Variants in ADGRL3 observed in about 807,000 individuals in gnomAD.
ADGRL3 encodes the protein calcium-independent alpha-latrotoxin receptor 3.
ADGRL3 carries 62 observed loss-of-function variants against 153.5 expected under a neutral mutation model. The observed-to-expected ratio is 0.40, with a 90% CI of 0.33 to 0.50. The LOEUF (loss-of-function observed/expected upper bound fraction) is 0.50, where lower values mean the gene tolerates loss of function less well. ADGRL3 is among the 20% of genes least tolerant of loss of function. The pLI, the probability that ADGRL3 is intolerant of heterozygous loss-of-function variation, is 0.47. For synonymous variants in ADGRL3, 710 were observed against 672.5 expected (o/e 1.06, Z -0.86); for missense variants, 1,641 against 1,859.4 (o/e 0.88, Z 2.16).
chr4:61,679,954 C>T (rs554327003), intron 6 of ADGRL3, among the ~76,000 whole-genome samples: 1 of 151,922 alleles, frequency 6.6e-6, no homozygotes, highest in African/African-American at 2.4e-5. Context: ...AGTCCTTTAC[C>T]TGTTTATTTT....
intron 1 of ADGRL3, among the ~76,000 whole-genome samples, chr4:61,208,818 A>G (rs1354944612): frequency 1.3e-5 from 2 of 152,104 alleles, no homozygotes; most frequent in African/African-American, 4.8e-5. Flanking sequence ...TATCAAGATG[A>G]CTCACTATAC....
At chr4:61,639,474 T>C (rs2150140397) in intron 5 of ADGRL3, among the ~76,000 whole-genome samples, 1 of 152,282 alleles carries the variant, frequency 6.6e-6, no homozygotes, top group Middle Eastern at 3.4e-3. Context: ...TATCAAAACC[T>C]ATACTATATA....
At chr4:61,503,862 A>AT (rs1261246528) in intron 3 of ADGRL3, among the ~76,000 whole-genome samples, 1 of 151,962 alleles carries the variant, frequency 6.6e-6, no homozygotes, top group Non-Finnish European at 1.5e-5. Flanking sequence ...CACTTCAACC[A>AT]TTTTTCATTT....
At chr4:61,686,899 T>G (rs2095455552) in intron 6 of ADGRL3, among the ~76,000 whole-genome samples, 1 of 152,082 alleles carries the variant, frequency 6.6e-6, no homozygotes, top group Non-Finnish European at 1.5e-5. Flanking sequence ...TCATGAGATA[T>G]TCTTCTGTCT....
intron 17 of ADGRL3, among the ~76,000 whole-genome samples, chr4:61,948,816 A>G (rs889864943): frequency 5.3e-5 from 8 of 152,194 alleles, no homozygotes; most frequent in African/African-American, 1.7e-4. Context: ...GGTAGTTTCC[A>G]AAGTCAGAAA....
intron 9 of ADGRL3, among the ~76,000 whole-genome samples, chr4:61,871,128 A>C (rs1221875750): frequency 6.6e-6 from 1 of 152,082 alleles, no homozygotes; most frequent in Non-Finnish European, 1.5e-5. Flanking sequence ...AATACAAAAA[A>C]TTAGCCAGGT....
intron 1 of ADGRL3, among the ~76,000 whole-genome samples, chr4:61,371,405 A>G (rs1244997294): frequency 6.6e-6 from 1 of 151,010 alleles, no homozygotes; most frequent in East Asian, 1.9e-4. Context: ...TTCCTTCAGG[A>G]GCTCTTTTAG....
At chr4:61,711,495 C>A (rs7679977) in intron 6 of ADGRL3, among the ~76,000 whole-genome samples, 4 of 87,322 alleles carry the variant, frequency 4.6e-5, no homozygotes, top group Admixed American at 1.5e-4. Context: ...TATATATACA[C>A]ACACACACAC....
At chr4:61,722,976 G>T (rs1483615324) in intron 6 of ADGRL3, among the ~76,000 whole-genome samples, 1 of 152,096 alleles carries the variant, frequency 6.6e-6, no homozygotes, top group East Asian at 1.9e-4. Context: ...TCCAGAGCTG[G>T]ATGTATAGAA....
chr4:61,604,662 A>G (rs2099024953), intron 5 of ADGRL3, among the ~76,000 whole-genome samples: 1 of 152,154 alleles, frequency 6.6e-6, no homozygotes, highest in South Asian at 2.1e-4. Context: ...CAGTCCTAAC[A>G]TTTCTTGTTT....
chr4:62,004,678 A>G (rs1000163099), intron 21 of ADGRL3, among the ~76,000 whole-genome samples: 8 of 152,034 alleles, frequency 5.3e-5, no homozygotes, highest in African/African-American at 1.7e-4. Context: ...GTTTTGTAAA[A>G]AAGATTATTA....
chr4:61,370,567 T>C (rs2096500705), intron 1 of ADGRL3, among the ~76,000 whole-genome samples: 1 of 152,250 alleles, frequency 6.6e-6, no homozygotes, highest in Non-Finnish European at 1.5e-5. Context: ...TCCTGAGTTC[T>C]AGTTTGATTG....
intron 11 of ADGRL3, among the ~76,000 whole-genome samples, chr4:61,903,048 C>T (rs956351689): frequency 5.9e-5 from 9 of 152,158 alleles, no homozygotes; most frequent in African/African-American, 1.7e-4. Context: ...GATAGATAAG[C>T]GGATGGAGAT....
At chr4:61,205,198 T>G (rs1359464691) in intron 1 of ADGRL3, among the ~76,000 whole-genome samples, 1 of 152,176 alleles carries the variant, frequency 6.6e-6, no homozygotes, top group Non-Finnish European at 1.5e-5. Flanking sequence ...AACTGAATTG[T>G]TTTTCAGATT....
intron 9 of ADGRL3, among the ~76,000 whole-genome samples, chr4:61,821,412 G>C (rs2097755409): frequency 6.6e-6 from 1 of 151,498 alleles, no homozygotes; most frequent in Admixed American, 6.6e-5. Context: ...GCCCAGCCTG[G>C]AGTGCAATGG....
chr4:61,645,243 TG>T (rs2093915563), intron 5 of ADGRL3, among the ~76,000 whole-genome samples: 2 of 152,212 alleles, frequency 1.3e-5, no homozygotes. Context: ...TTATCCAATT[TG>T]CCAGTCTGTG....
At chr4:61,490,216 C>T (rs775790222) in intron 2 of ADGRL3, among the ~76,000 whole-genome samples, 11 of 152,064 alleles carry the variant, frequency 7.2e-5, no homozygotes, top group Admixed American at 2.0e-4. Flanking sequence ...ACAGATCTTC[C>T]AGATCTTTCA....
intron 21 of ADGRL3, among the ~76,000 whole-genome samples, chr4:62,022,037 G>A (rs1406601430): frequency 6.6e-6 from 1 of 152,192 alleles, no homozygotes; most frequent in Non-Finnish European, 1.5e-5. Context: ...GTCGAAAGCT[G>A]AGATAGGCTG....
At chr4:61,290,673 A>AGGAAGGAAGGAG (rs1447447402) in intron 1 of ADGRL3, among the ~76,000 whole-genome samples, 8 of 150,426 alleles carry the variant, frequency 5.3e-5, no homozygotes, top group Non-Finnish European at 1.0e-4. Context: ...AAAGGAAGGA[A>AGGAAGGAAGGAG]GGAAGGAAGG....
Sources: allele counts gnomAD v4.1 joint callset (sites outside exome capture counted in the v4.1 genomes callset), GRCh38; gene constraint gnomAD v4.1.1; transcripts MANE v1.5; gene names NCBI Gene and HGNC (gene_info 2026-07-23, HGNC 2026-07-21).